The following CNTNAP2 variants were observed in gnomAD, a reference collection of about 807,000 sequenced individuals.
CNTNAP2 encodes the protein contactin-associated protein-like 2.
A neutral mutation model predicts 155.2 loss-of-function variants in CNTNAP2; 98 were observed. The observed-to-expected ratio is 0.63, with a 90% confidence interval of 0.54 to 0.75. The LOEUF is 0.75. CNTNAP2 is among the 30% of genes least tolerant of loss of function. CNTNAP2 has a pLI of 0.00. For missense variants in CNTNAP2, 1,727 were observed against 1,688.1 expected (o/e 1.02, Z -0.40); for synonymous variants, 651 against 631.2 (o/e 1.03, Z -0.47).
chr7:148,310,652 G>C (rs1370990949), intron 21 of CNTNAP2, among the ~76,000 whole-genome samples: 5 of 152,158 alleles, frequency 3.3e-5, no homozygotes, highest in Non-Finnish European at 7.3e-5. Context: ...AGGAAGACTA[G>C]TGTGCATGTG....
intron 1 of CNTNAP2, among the ~76,000 whole-genome samples, chr7:146,483,328 T>TACACAC (rs1554439609): frequency 2.5e-5 from 2 of 81,558 alleles, no homozygotes; most frequent in East Asian, 5.6e-4. Context: ...TATATATATA[T>TACACAC]ACATATATAT....
intron 1 of CNTNAP2, among the ~76,000 whole-genome samples, chr7:146,591,431 A>G (rs1329289584): frequency 1.0e-4 from 1 of 9,642 alleles, no homozygotes; most frequent in Non-Finnish European, 2.5e-4. Flanking sequence ...GAAATGTAAA[A>G]TAATTGAGAA....
At chr7:147,031,910 T>G (rs1299768729) in intron 3 of CNTNAP2, among the ~76,000 whole-genome samples, 1 of 152,124 alleles carries the variant, frequency 6.6e-6, no homozygotes, top group East Asian at 1.9e-4. Context: ...AGAAAAAGAC[T>G]CTGTCAAAAC....
chr7:147,609,708 A>C (rs1179757557), intron 12 of CNTNAP2, among the ~76,000 whole-genome samples: 1 of 152,062 alleles, frequency 6.6e-6, no homozygotes, highest in Non-Finnish European at 1.5e-5. Context: ...GAGTGAGTGT[A>C]CGAAATAATC....
intron 15 of CNTNAP2, among the ~76,000 whole-genome samples, chr7:148,061,299 T>C (rs1242331253): frequency 1.3e-5 from 2 of 152,202 alleles, no homozygotes; most frequent in African/African-American, 2.4e-5. Flanking sequence ...AGTGATTAAC[T>C]TTAGACTTTC....
At chr7:147,041,096 A>G (rs997251172) in intron 3 of CNTNAP2, among the ~76,000 whole-genome samples, 4 of 152,186 alleles carry the variant, frequency 2.6e-5, no homozygotes, top group African/African-American at 9.7e-5. Flanking sequence ...TCTCATTAAT[A>G]TGGCTTTTAT....
intron 22 of CNTNAP2, among the ~76,000 whole-genome samples, chr7:148,391,109 G>A (rs1188564726): frequency 6.6e-6 from 1 of 152,310 alleles, no homozygotes; most frequent in South Asian, 2.1e-4. Flanking sequence ...CCTCTCCCAT[G>A]ATTGTATTTT....
intron 21 of CNTNAP2, among the ~76,000 whole-genome samples, chr7:148,324,074 G>A (rs765507125): frequency 3.6e-4 from 54 of 152,062 alleles, no homozygotes; most frequent in Non-Finnish European, 6.9e-4. Context: ...TAGTAAAGAC[G>A]GGGTTTTGCC....
intron 1 of CNTNAP2, among the ~76,000 whole-genome samples, chr7:146,605,862 A>T (rs1458105899): frequency 6.6e-6 from 1 of 152,154 alleles, no homozygotes; most frequent in Admixed American, 6.5e-5. Flanking sequence ...AAAAGTGCTG[A>T]GCTAACTTCT....
At chr7:146,470,618 G>A (rs1239032100) in intron 1 of CNTNAP2, among the ~76,000 whole-genome samples, 1 of 152,044 alleles carries the variant, frequency 6.6e-6, no homozygotes, top group Non-Finnish European at 1.5e-5. Context: ...TCACCAGGCT[G>A]GAGTACAGTG....
intron 8 of CNTNAP2, among the ~76,000 whole-genome samples, chr7:147,245,163 G>T (rs1390721): frequency 4.0e-5 from 6 of 151,838 alleles, no homozygotes; most frequent in African/African-American, 1.4e-4. Flanking sequence ...GTTCTTTTTT[G>T]CCCTTGCTGG....
At chr7:146,694,110 A>G (rs937582441) in intron 1 of CNTNAP2, among the ~76,000 whole-genome samples, 2 of 152,190 alleles carry the variant, frequency 1.3e-5, no homozygotes, top group African/African-American at 4.8e-5. Context: ...ACATTGTTTA[A>G]GAATATAATT....
At chr7:148,237,363 A>G (rs1288129183) in intron 20 of CNTNAP2, among the ~76,000 whole-genome samples, 2 of 152,256 alleles carry the variant, frequency 1.3e-5, no homozygotes, top group Admixed American at 1.3e-4. Flanking sequence ...TTGTGGTTCT[A>G]TGCTATAACT....
intron 11 of CNTNAP2, among the ~76,000 whole-genome samples, chr7:147,561,703 G>C (rs1800067647): frequency 6.6e-6 from 1 of 152,142 alleles, no homozygotes; most frequent in African/African-American, 2.4e-5. Context: ...GAGTGTATGT[G>C]TGTGTGTGCA....
intron 8 of CNTNAP2, among the ~76,000 whole-genome samples, chr7:147,225,956 A>G (rs1803530623): frequency 6.6e-6 from 1 of 150,920 alleles, no homozygotes. Context: ...AGGAAGAAAG[A>G]GAGAAAGGAA....
intron 9 of CNTNAP2, among the ~76,000 whole-genome samples, chr7:147,305,295 G>A (rs376951691): frequency 6.6e-6 from 1 of 152,158 alleles, no homozygotes; most frequent in African/African-American, 2.4e-5. Flanking sequence ...TTTTTATCAA[G>A]TAGTTATGTT....
chr7:147,275,365 C>A (rs901546486), intron 8 of CNTNAP2, among the ~76,000 whole-genome samples: 4 of 151,484 alleles, frequency 2.6e-5, no homozygotes, highest in Non-Finnish European at 5.9e-5. Context: ...TTGTAAAGAT[C>A]TTTCACCTCC....
intron 1 of CNTNAP2, among the ~76,000 whole-genome samples, chr7:146,512,120 A>T (rs1336650786): frequency 6.6e-6 from 1 of 151,958 alleles, no homozygotes; most frequent in Non-Finnish European, 1.5e-5. Context: ...ATGTCATTAA[A>T]TACAAAGCTG....
chr7:146,510,335 G>C (rs1797447653), intron 1 of CNTNAP2, among the ~76,000 whole-genome samples: 1 of 152,194 alleles, frequency 6.6e-6, no homozygotes, highest in Non-Finnish European at 1.5e-5. Context: ...CTGGATGTCT[G>C]CCTTGGCCTA....
Sources: allele counts gnomAD v4.1 joint callset (sites outside exome capture counted in the v4.1 genomes callset), GRCh38; gene constraint gnomAD v4.1.1; transcripts MANE v1.5; gene names NCBI Gene and HGNC (gene_info 2026-07-23, HGNC 2026-07-21).